APBA3: variants seen among roughly 807,000 people sequenced by gnomAD.
APBA3 encodes the protein amyloid beta precursor protein binding family A member 3.
In APBA3, 45 loss-of-function variants were observed where a neutral mutation model predicts 55.9. The observed-to-expected ratio is 0.80, with a 90% CI of 0.63 to 1.03. The LOEUF is 1.03. Among genes scored for constraint, APBA3 ranks in the 50% least tolerant of loss-of-function variants. The pLI is 0.00. For synonymous variants in APBA3, 370 were observed against 353.3 expected (o/e 1.05, Z -0.53); for missense variants, 865 against 820.3 (o/e 1.05, Z -0.67).
intron 6 of APBA3, chr19:3,753,487 A>G (rs2037035666): frequency 7.0e-6 from 3 of 431,536 alleles, no homozygotes; most frequent in Non-Finnish European, 1.2e-5. Flanking sequence ...GTCTCTATAA[A>G]AAATACAAAA....
chr19:3,753,768 C>T lies in APBA3; in HGVS notation c.1008G>A (p.Glu336=). 6.5e-7 allele frequency: 1 copy of T among 1,529,800 alleles called. No homozygotes were observed. Among genetic ancestry groups the T allele is most frequent in the South Asian group, 1.2e-5 (1 of 81,824 alleles). The allele number at this position is 1,529,800 out of a possible 1,614,324, so 94.8% of individuals were successfully genotyped here. A position where few individuals can be genotyped will look rare whatever the true frequency, so the allele number is the denominator to read the frequency against. ...YKMLCHVFYA[E]DAQLIAQAIG... ...GCCCCGCGCCCTGGCTGCTCACGTC[C>T]TCCGCGTAGAATACGTGGCAGAGCA... is the stretch of plus-strand genomic sequence containing the variant. The change falls in exon 6 of 11, where the codon GAG becomes GAA. Residue 336 remains glutamate (E), a synonymous_variant. Transcript: ENST00000316757.
intron 3 of APBA3, among the ~76,000 whole-genome samples, chr19:3,757,706 T>C (rs1395405520): frequency 6.6e-6 from 1 of 151,908 alleles, no homozygotes; most frequent in East Asian, 1.9e-4. Flanking sequence ...AAAAAAAAAG[T>C]CTAGAACATT....
chr19:3,754,288 G>A lies in APBA3; in HGVS notation c.669C>T (p.Ala223=). Residue 223 remains alanine, a synonymous_variant, in exon 4 of 11, where the codon GCC becomes GCT. Coordinates refer to ENST00000316757, the MANE Select transcript of APBA3 (RefSeq NM_004886.4). The stretch of plus-strand genomic sequence containing the variant: ...CCAGCTGGGTGGACCCCAGGTACCT[G>A]GCCCCAAATATGACACCGTCCAGGA... ...EDLLDGVIFG[A]RYLGSTQLVS... The A allele has an allele frequency of 6.4e-7, 1 of 1,553,044 alleles. No homozygotes were observed. The highest frequency in any genetic ancestry group is 1.2e-5 in the South Asian group (1 of 84,096).
chr19:3,752,601 G>A lies in APBA3; in HGVS notation c.1302C>T (p.Arg434=), dbSNP rs987456858. 1.0e-5 allele frequency: 16 copies of A among 1,585,408 alleles called. No homozygotes were observed. The highest frequency in any genetic ancestry group is 2.3e-5 in the South Asian group (2 of 88,412). The part of the protein sequence containing the change: ...ANLLHGGPAE[R]SGALSIGDRL... ...GGTCCCCGATGCTGAGGGCCCCCGA[G>A]CGCTCAGCAGGCCCCCCGTGCAGCA... The change falls in exon 8 of 11, where the codon CGC becomes CGT. Residue 434 remains arginine, a synonymous_variant. Coordinates refer to ENST00000316757, the MANE Select transcript of APBA3 (RefSeq NM_004886.4).
Position 3,759,919 on chromosome 19 carries a change from A to C in APBA3, c.346T>G (p.Leu116Val), listed in dbSNP as rs775107671. The C allele has an allele frequency of 1.5e-5, 24 of 1,611,492 alleles. 1 individual carries two copies. The South Asian group carries it at 2.5e-4, about 17-fold the overall frequency. ...EAGRDDLLGL[L>V]HCEECPPSQT... is the part of the protein sequence containing the mutation. The stretch of plus-strand genomic sequence containing the variant: ...GAAGGCGGGCATTCCTCGCAGTGCA[A>C]GAGGCCCAGCAGGTCATCCCGGCCA... The change falls in exon 2 of 11, where the codon TTG becomes GTG. Residue 116 changes from leucine to valine, a missense_variant. Transcript: ENST00000316757.
chr19:3,758,419 T>C (rs902544867), intron 3 of APBA3, among the ~76,000 whole-genome samples: 1 of 151,608 alleles, frequency 6.6e-6, no homozygotes, highest in South Asian at 2.1e-4. Context: ...CCGCCACACC[T>C]GGCTAACTTT....
chr19:3,758,371 G>A (rs188596722), intron 3 of APBA3, among the ~76,000 whole-genome samples: 12 of 152,008 alleles, frequency 7.9e-5, no homozygotes, highest in East Asian at 7.8e-4. Context: ...AACTTCTCCC[G>A]CCTCAACCTC....
At position 3,751,229 on chromosome 19, in the gene APBA3, T is replaced by G. The variant is rs111796857; in HGVS notation, c.1616A>C (p.His539Pro). The change falls in exon 10 of 11, where the codon CAC (histidine) becomes CCC (proline). Residue 539 changes from histidine to proline, a missense_variant. Transcript: ENST00000316757. The part of the protein sequence containing the change: ...INGQSVVATP[H>P]ARIIELLTEA... ...GGTGAGCAGCTCGATGATGCGGGCG[T>G]GTGGCGTGGCCACCACACTCTGCCC... 1 of 1,549,038 alleles carries G rather than the reference T, an allele frequency of 6.5e-7. No individual in the cohort carries two copies. The highest frequency in any genetic ancestry group is 1.2e-5 in the South Asian group (1 of 84,212).
intron 3 of APBA3, 73 bp downstream of exon 3, chr19:3,759,488 C>A (rs2037117052): frequency 1.4e-6 from 2 of 1,441,616 alleles, no homozygotes; most frequent in Admixed American, 2.0e-5. Flanking sequence ...CAAGCTGTTG[C>A]CAGGCTGGTG....
At chr19:3,751,163 C>G (rs1307629982) in intron 10 of APBA3, 26 bp downstream of exon 10, 1 of 1,554,134 alleles carries the variant, frequency 6.4e-7, no homozygotes, top group African/African-American at 1.4e-5. Context: ...GGGGGCGCCC[C>G]TGGCCACCAC....
chr19:3,751,556 G>A lies in APBA3; in HGVS notation c.1396-3C>T, dbSNP rs2037005432. ...ACCGACGTCTGCGACTTCGTCTCCT[G>A]TGGGGCGGGGGCCGTTGGCCTCACT... On this transcript the variant is annotated splice_polypyrimidine_tract_variant and splice_region_variant and intron_variant, in intron 8 of 10. Transcript: ENST00000316757. 6.3e-7 allele frequency: 1 copy of A among 1,585,890 alleles called. No homozygotes were observed. The highest frequency in any genetic ancestry group is 8.5e-7 in the Non-Finnish European group (1 of 1,170,464).
At chr19:3,757,318 G>A (rs1033536437) in intron 3 of APBA3, among the ~76,000 whole-genome samples, 4 of 152,114 alleles carry the variant, frequency 2.6e-5, no homozygotes, top group Admixed American at 2.6e-4. Context: ...TGTGGCCCAG[G>A]CTGGTCTCGA....
At position 3,759,918 on chromosome 19, in the gene APBA3, A is replaced by C. The variant is rs1274738358; in HGVS notation, c.347T>G (p.Leu116Trp). 6.2e-7 allele frequency: 1 copy of C among 1,611,636 alleles called. No homozygotes were observed. The highest frequency in any genetic ancestry group is 1.1e-5 in the South Asian group (1 of 91,008). ...GGAAGGCGGGCATTCCTCGCAGTGCAAGAGGCCCAGCAGGTCATCCCGGCC... is the reference window on the plus strand; with the variant it reads ...GGAAGGCGGGCATTCCTCGCAGTGCCAGAGGCCCAGCAGGTCATCCCGGCC... Reference protein sequence around the residue: ...EAGRDDLLGLLHCEECPPSQT... With the variant: ...EAGRDDLLGLWHCEECPPSQT... Residue 116 changes from leucine to tryptophan, a missense_variant, in exon 2 of 11, where the codon TTG becomes TGG. Transcript: ENST00000316757.
rs368800499 is a variant in APBA3, at chr19:3,751,191, C to G, written c.1654G>C (p.Glu552Gln). The part of the protein sequence containing the change: ...IIELLTEAYG[E>Q]VHIKTMPAAT... ...GCCACCACCCACCACCCGCACACCT[C>G]GCCATAGGCCTCGGTGAGCAGCTCG... The change falls in exon 10 of 11, where the codon GAG (glutamate) becomes CAG (glutamine). Residue 552 changes from glutamate to glutamine, a missense_variant and splice_region_variant. By Grantham distance (29) the Glu-to-Gln change is conservative. Coordinates refer to ENST00000316757, the MANE Select transcript of APBA3 (RefSeq NM_004886.4). The G allele has an allele frequency of 1.3e-6, 2 of 1,551,954 alleles. No individual in the cohort carries two copies. Among genetic ancestry groups the G allele is most frequent in the Non-Finnish European group, 1.7e-6 (2 of 1,148,306 alleles).
chr19:3,758,882 G>A (rs1458013885), intron 3 of APBA3, among the ~76,000 whole-genome samples: 1 of 151,296 alleles, frequency 6.6e-6, no homozygotes, highest in African/African-American at 2.4e-5. Flanking sequence ...CAAAAAGAAA[G>A]AAAGAAATAG....
chr19:3,757,566 T>C (rs2037093590), intron 3 of APBA3, among the ~76,000 whole-genome samples: 1 of 152,160 alleles, frequency 6.6e-6, no homozygotes, highest in Admixed American at 6.5e-5. Flanking sequence ...ACGCCGTCTC[T>C]ACTAAAAATA....
At chr19:3,757,188 C>T (rs2037087812) in intron 3 of APBA3, among the ~76,000 whole-genome samples, 1 of 151,996 alleles carries the variant, frequency 6.6e-6, no homozygotes, top group African/African-American at 2.4e-5. Context: ...TCTTAGCTCA[C>T]TGCAGCCTCA....
chr19:3,758,343 C>T (rs1306210585), intron 3 of APBA3, among the ~76,000 whole-genome samples: 1 of 152,072 alleles, frequency 6.6e-6, no homozygotes, highest in Admixed American at 6.6e-5. Flanking sequence ...ACCGCAGTCT[C>T]GACCTCCTGG....
chr19:3,758,448 T>G (rs2037104647), intron 3 of APBA3, among the ~76,000 whole-genome samples: 2 of 150,606 alleles, frequency 1.3e-5, no homozygotes, highest in Non-Finnish European at 3.0e-5. Context: ...TTTGTAGAGA[T>G]GGGGTCTTGC....
Sources: gnomAD v4.1 joint callset for allele counts (sites outside exome capture counted in the v4.1 genomes callset) on GRCh38, gnomAD v4.1.1 for gene constraint, MANE v1.5 for transcripts, NCBI Gene and HGNC (gene_info 2026-07-23, HGNC 2026-07-21) for gene names.